Variants in QTMAN observed in about 807,000 individuals in gnomAD.
QTMAN encodes the protein queuosine-tRNA mannosyltransferase, also known as tRNA-queuosine alpha-mannosyltransferase.
the QTMAN span, among the ~76,000 whole-genome samples, chr2:144,041,080 G>T: frequency 6.6e-6 from 1 of 152,098 alleles, no homozygotes; most frequent in African/African-American, 2.4e-5. Context: ...TACTATGTCA[G>T]ATTGCATGTC....
chr2:144,279,330 C>G, the QTMAN span, among the ~76,000 whole-genome samples: 1 of 150,314 alleles, frequency 6.7e-6, no homozygotes, highest in South Asian at 2.1e-4. Flanking sequence ...TTCCCTCACA[C>G]TCTTCTAGCC....
the QTMAN span, among the ~76,000 whole-genome samples, chr2:144,139,785 T>G: frequency 2.6e-5 from 4 of 152,028 alleles, no homozygotes; most frequent in African/African-American, 9.7e-5. Context: ...TCTAAAAATC[T>G]TCATTTATTT....
At chr2:144,110,797 C>T in the QTMAN span, among the ~76,000 whole-genome samples, 1 of 151,694 alleles carries the variant, frequency 6.6e-6, no homozygotes, top group South Asian at 2.1e-4. Context: ...TCATGTAAGG[C>T]AGCAGGAGTG....
the QTMAN span, among the ~76,000 whole-genome samples, chr2:144,038,260 C>T: frequency 6.6e-6 from 1 of 152,062 alleles, no homozygotes; most frequent in Non-Finnish European, 1.5e-5. Context: ...TTAAGTTGTA[C>T]ATACTTTGGG....
the QTMAN span, among the ~76,000 whole-genome samples, chr2:144,092,870 G>GGGGT: frequency 5.3e-4 from 74 of 140,726 alleles, no homozygotes; most frequent in Admixed American, 2.4e-3. Context: ...AAACTTTTGG[G>GGGGT]GTGTGTGTGT....
the QTMAN span, among the ~76,000 whole-genome samples, chr2:144,239,531 T>A: frequency 6.6e-6 from 1 of 152,150 alleles, no homozygotes; most frequent in East Asian, 1.9e-4. Context: ...CATTCCTTCC[T>A]CCCTGCTAAA....
chr2:143,990,349 G>A, the QTMAN span, among the ~76,000 whole-genome samples: 1 of 152,176 alleles, frequency 6.6e-6, no homozygotes, highest in Non-Finnish European at 1.5e-5. Flanking sequence ...GAGAGTGAAG[G>A]CCACAGAAGG....
At chr2:144,318,194 A>AACACACACACACACACAC in the QTMAN span, among the ~76,000 whole-genome samples, 113 of 142,020 alleles carry the variant, frequency 8.0e-4, 1 homozygote, top group African/African-American at 2.9e-3. Flanking sequence ...TATTTAAATA[A>AACACACACACACACACAC]ACACACACAC....
the QTMAN span, among the ~76,000 whole-genome samples, chr2:144,062,176 T>C: frequency 6.6e-6 from 1 of 152,198 alleles, no homozygotes; most frequent in Non-Finnish European, 1.5e-5. Context: ...AAAAGAGCAC[T>C]GTAACACCCC....
At chr2:144,322,576 T>C in the QTMAN span, among the ~76,000 whole-genome samples, 1 of 152,118 alleles carries the variant, frequency 6.6e-6, no homozygotes, top group Non-Finnish European at 1.5e-5. Context: ...TGTTGTGCTA[T>C]GTTGTTTTGA....
the QTMAN span, among the ~76,000 whole-genome samples, chr2:144,103,260 C>T: frequency 0.092 from 13,985 of 152,166 alleles, 863 homozygotes; most frequent in Non-Finnish European, 0.14. Context: ...TAGATGGAGA[C>T]GTGGGGAATA....
the QTMAN span, among the ~76,000 whole-genome samples, chr2:144,037,172 TTA>T: frequency 3.5e-4 from 54 of 152,174 alleles, no homozygotes; most frequent in Non-Finnish European, 5.4e-4. Context: ...TGGAAATATT[TTA>T]TGTTTTAGAA....
At chr2:144,147,382 A>G in the QTMAN span, among the ~76,000 whole-genome samples, 5 of 151,934 alleles carry the variant, frequency 3.3e-5, no homozygotes, top group African/African-American at 1.2e-4. Flanking sequence ...TATTCCCCAC[A>G]CCACTACCAC....
the QTMAN span, among the ~76,000 whole-genome samples, chr2:144,186,208 A>G: frequency 2.6e-4 from 40 of 152,226 alleles, no homozygotes; most frequent in Non-Finnish European, 5.1e-4. Context: ...TACACACCTT[A>G]ATCCATCTAT....
the QTMAN span, among the ~76,000 whole-genome samples, chr2:144,225,214 C>T: frequency 6.6e-6 from 1 of 152,194 alleles, no homozygotes; most frequent in African/African-American, 2.4e-5. Flanking sequence ...CACTGCTGCA[C>T]ACCTCTAAGC....
chr2:144,058,685 AG>A, the QTMAN span, among the ~76,000 whole-genome samples: 6,779 of 152,244 alleles, frequency 0.045, 505 homozygotes, highest in African/African-American at 0.15. Context: ...GGATATATCC[AG>A]GGACGCTCCA....
At chr2:144,046,774 C>T in the QTMAN span, among the ~76,000 whole-genome samples, 1 of 152,124 alleles carries the variant, frequency 6.6e-6, no homozygotes, top group East Asian at 1.9e-4. Context: ...ACAAAATATT[C>T]TATGATCTCA....
chr2:144,250,123 GT>G, the QTMAN span, among the ~76,000 whole-genome samples: 9,950 of 133,984 alleles, frequency 0.074, 394 homozygotes, highest in South Asian at 0.18. Flanking sequence ...TGGTTTTTGT[GT>G]TTTTTTTTTT....
the QTMAN span, among the ~76,000 whole-genome samples, chr2:143,958,160 C>T: frequency 6.6e-6 from 1 of 152,020 alleles, no homozygotes; most frequent in African/African-American, 2.4e-5. Context: ...TTTGGGGGCT[C>T]TAATTGGCTT....
Sources: gnomAD v4.1 joint callset for allele counts (sites outside exome capture counted in the v4.1 genomes callset) on GRCh38, gnomAD v4.1.1 for gene constraint, MANE v1.5 for transcripts, NCBI Gene and HGNC (gene_info 2026-07-23, HGNC 2026-07-21) for gene names.